PCDH15: variants seen among roughly 807,000 people sequenced by gnomAD.
The protein encoded by PCDH15 is protocadherin related 15.
A neutral mutation model predicts 178.5 loss-of-function variants in PCDH15; 129 were observed. The observed-to-expected ratio is 0.72, with a 90% CI of 0.63 to 0.84. The LOEUF (loss-of-function observed/expected upper bound fraction) is 0.84, where lower values mean the gene tolerates loss of function less well. Among genes scored for constraint, PCDH15 ranks in the 40% least tolerant of loss-of-function variants. PCDH15 has a pLI of 0.00. For missense variants in PCDH15, 2,230 were observed against 2,099.9 expected, an observed-to-expected ratio of 1.06 and a Z score of -1.21; for synonymous variants, 800 against 732.0, an observed-to-expected ratio of 1.09 and a Z score of -1.50.
At chr10:55,095,111 T>C (rs1460594624) in intron 2 of PCDH15, among the ~76,000 whole-genome samples, 3 of 151,728 alleles carry the variant, frequency 2.0e-5, no homozygotes, top group Non-Finnish European at 2.9e-5. Context: ...GTTACTTTTA[T>C]AATTATTTTT....
intron 2 of PCDH15, among the ~76,000 whole-genome samples, chr10:54,579,302 T>C (rs1165930344): frequency 6.6e-6 from 1 of 152,070 alleles, no homozygotes; most frequent in African/African-American, 2.4e-5. Context: ...TGGAGAAAGA[T>C]GTATCATGCA....
intron 26 of PCDH15, among the ~76,000 whole-genome samples, chr10:53,891,890 A>T (rs1396654601): frequency 6.6e-6 from 1 of 151,912 alleles, no homozygotes; most frequent in African/African-American, 2.4e-5. Context: ...AATTGCTTGA[A>T]CCAGGGAGGT....
intron 2 of PCDH15, among the ~76,000 whole-genome samples, chr10:55,369,010 C>CAAAAA (rs60906060): frequency 7.0e-5 from 6 of 86,172 alleles, no homozygotes; most frequent in Non-Finnish European, 1.3e-4. Context: ...TTTTTGGGAC[C>CAAAAA]AAAAAAAAAA....
At chr10:55,287,206 G>C (rs1842894711) in intron 1 of PCDH15, among the ~76,000 whole-genome samples, 1 of 151,972 alleles carries the variant, frequency 6.6e-6, no homozygotes, top group Non-Finnish European at 1.5e-5. Context: ...TCTGTCTCAA[G>C]TTGAAGATGC....
chr10:55,345,157 CTA>C (rs61288405), intron 2 of PCDH15, among the ~76,000 whole-genome samples: 38 of 150,334 alleles, frequency 2.5e-4, no homozygotes, highest in African/African-American at 4.4e-4. Flanking sequence ...CTCTCTCTCT[CTA>C]TATATATATA....
At chr10:55,607,795 G>A (rs909366270) in intron 2 of PCDH15, among the ~76,000 whole-genome samples, 23 of 148,500 alleles carry the variant, frequency 1.5e-4, no homozygotes, top group African/African-American at 5.4e-4. Context: ...TATACCTAAT[G>A]CTAGATGACA....
At chr10:54,332,297 C>CT (rs1564989104) in intron 6 of PCDH15, among the ~76,000 whole-genome samples, 4 of 42,524 alleles carry the variant, frequency 9.4e-5, no homozygotes, top group Admixed American at 2.9e-4. Flanking sequence ...ATCTATATTA[C>CT]ATATTATTAT....
chr10:54,845,815 A>T (rs1363270031), intron 3 of PCDH15, among the ~76,000 whole-genome samples: 1 of 152,098 alleles, frequency 6.6e-6, no homozygotes, highest in Middle Eastern at 3.2e-3. Context: ...TTTAACATGC[A>T]ATTTTTTTGG....
chr10:54,810,224 T>C (rs1399455053), intron 3 of PCDH15, among the ~76,000 whole-genome samples: 1 of 152,178 alleles, frequency 6.6e-6, no homozygotes, highest in Non-Finnish European at 1.5e-5. Context: ...GTGTGCAATG[T>C]TCAGGCATAA....
chr10:55,313,211 GA>G (rs35723810), intron 1 of PCDH15, among the ~76,000 whole-genome samples: 15 of 150,992 alleles, frequency 9.9e-5, no homozygotes, highest in African/African-American at 2.7e-4. Flanking sequence ...AGAAGATATT[GA>G]AAAAAAACAA....
chr10:55,157,703 G>A (rs1317042418), intron 2 of PCDH15, among the ~76,000 whole-genome samples: 1 of 151,758 alleles, frequency 6.6e-6, no homozygotes, highest in Non-Finnish European at 1.5e-5. Flanking sequence ...ACTATCACAA[G>A]GACAGAAAAC....
intron 18 of PCDH15, among the ~76,000 whole-genome samples, chr10:54,023,570 A>T (rs2092993511): frequency 6.7e-6 from 1 of 148,342 alleles, no homozygotes; most frequent in African/African-American, 2.4e-5. Context: ...ATTTAAGATT[A>T]TGTAGGTTTT....
chr10:54,113,694 T>G (rs1292677155), intron 15 of PCDH15, among the ~76,000 whole-genome samples: 11 of 148,952 alleles, frequency 7.4e-5, no homozygotes, highest in Admixed American at 7.3e-4. Context: ...GCAATCATTA[T>G]TTGTAAAGAC....
intron 2 of PCDH15, among the ~76,000 whole-genome samples, chr10:55,393,991 T>G (rs1274723444): frequency 1.3e-5 from 2 of 152,082 alleles, no homozygotes; most frequent in African/African-American, 2.4e-5. Flanking sequence ...AACTTTTTTT[T>G]TCTCCAAATA....
chr10:54,131,107 A>T (rs1297732669), intron 15 of PCDH15, among the ~76,000 whole-genome samples: 1 of 152,180 alleles, frequency 6.6e-6, no homozygotes, highest in Admixed American at 6.5e-5. Flanking sequence ...TGAAATATGA[A>T]AAAGGCCAAC....
At chr10:55,079,979 C>T (rs1323501952) in intron 2 of PCDH15, among the ~76,000 whole-genome samples, 2 of 152,050 alleles carry the variant, frequency 1.3e-5, no homozygotes, top group Non-Finnish European at 2.9e-5. Context: ...ACAGGGGATT[C>T]TGTGGTGGTG....
chr10:54,082,089 T>C (rs1402695745), intron 16 of PCDH15, among the ~76,000 whole-genome samples: 1 of 152,160 alleles, frequency 6.6e-6, no homozygotes, highest in Non-Finnish European at 1.5e-5. Context: ...CAGTGAACAT[T>C]CCCAGTGTGA....
chr10:53,822,414 A>ATGTC, intron 32 of PCDH15: 1 of 1,578,662 alleles, frequency 6.3e-7, no homozygotes. Flanking sequence ...AAAAGGAGAA[A>ATGTC]TGTCAGGAGG....
chr10:54,218,771 C>CA (rs2052392385), intron 9 of PCDH15, among the ~76,000 whole-genome samples: 1 of 151,944 alleles, frequency 6.6e-6, no homozygotes, highest in Non-Finnish European at 1.5e-5. Context: ...AAGAAACAAA[C>CA]AAAATATGTT....
Sources: allele counts gnomAD v4.1 joint callset (sites outside exome capture counted in the v4.1 genomes callset), GRCh38; gene constraint gnomAD v4.1.1; transcripts MANE v1.5; gene names NCBI Gene and HGNC (gene_info 2026-07-23, HGNC 2026-07-21).